The following MCTP1 variants were observed in gnomAD, a reference collection of about 807,000 sequenced individuals.
The protein encoded by MCTP1 is multiple C2 and transmembrane domain containing 1, also known as multiple C2 and transmembrane domain-containing protein 1.
In MCTP1, 69 loss-of-function variants were observed where a neutral mutation model predicts 120.6. The ratio of observed to expected loss-of-function variants is 0.57; its 90% CI spans 0.47 to 0.70. The LOEUF (loss-of-function observed/expected upper bound fraction) is 0.70. MCTP1 is among the 30% of genes least tolerant of loss of function. The pLI is 0.00. For synonymous variants in MCTP1, 529 were observed against 493.1 expected, an observed-to-expected ratio of 1.07 and a Z score of -0.96; for missense variants, 1,203 against 1,248.8, an observed-to-expected ratio of 0.96 and a Z score of 0.55.
At chr5:95,047,812 C>G (rs13155160) in intron 1 of MCTP1, among the ~76,000 whole-genome samples, 108,375 of 151,850 alleles carry the variant, frequency 0.71, 41,131 homozygotes, top group Non-Finnish European at 0.87. Context: ...ATCTACACAC[C>G]CACCCACTCA....
At chr5:95,208,349 C>CT (rs1751914980) in intron 1 of MCTP1, among the ~76,000 whole-genome samples, 1 of 152,096 alleles carries the variant, frequency 6.6e-6, no homozygotes, top group African/African-American at 2.4e-5. Flanking sequence ...CCTCAGCCAC[C>CT]CAAAGAGCTG....
chr5:94,940,788 C>T (rs2153504485), intron 4 of MCTP1, among the ~76,000 whole-genome samples: 1 of 151,090 alleles, frequency 6.6e-6, no homozygotes, highest in East Asian at 2.0e-4. Flanking sequence ...TTTACAACTG[C>T]CTTATGATGT....
intron 19 of MCTP1, among the ~76,000 whole-genome samples, chr5:94,744,656 AC>A (rs1376075178): frequency 6.6e-6 from 1 of 152,122 alleles, no homozygotes; most frequent in East Asian, 1.9e-4. Flanking sequence ...GGCGTGTGCC[AC>A]CACACTGGGC....
At chr5:94,998,736 T>A (rs1475473763) in intron 2 of MCTP1, among the ~76,000 whole-genome samples, 1 of 152,182 alleles carries the variant, frequency 6.6e-6, no homozygotes, top group East Asian at 1.9e-4. Flanking sequence ...CTTTTTGACG[T>A]ACAGGGCCAA....
Position 95,136,577 on chromosome 5 carries a change from G to A in MCTP1, c.721-119093C>T, listed in dbSNP as rs2152431663. Among the ~76,000 whole-genome samples the A allele has an allele frequency of 2.0e-5, 3 of 152,284 alleles. No homozygotes were observed. The South Asian group carries it at 6.2e-4, about 32-fold the overall frequency. The stretch of plus-strand genomic sequence containing the variant: ...GAAGTGGGGAAGGGAGGAAATCTTT[G>A]CGGAAGGAAGTCAAGAAGAGAGAAG... On this transcript the variant is annotated intron_variant, in intron 1 of 22. Coordinates refer to ENST00000515393, the MANE Select transcript of MCTP1 (RefSeq NM_024717.7).
chr5:94,821,281 TTAG>T (rs1785587761), intron 17 of MCTP1, among the ~76,000 whole-genome samples: 1 of 152,210 alleles, frequency 6.6e-6, no homozygotes, highest in Admixed American at 6.5e-5. Context: ...TTTTGCGGTC[TTAG>T]TACTGGAAAT....
intron 2 of MCTP1, among the ~76,000 whole-genome samples, chr5:95,012,591 G>C (rs927025128): frequency 6.6e-6 from 1 of 152,058 alleles, no homozygotes; most frequent in Admixed American, 6.6e-5. Context: ...GGTAATTTCT[G>C]CAACATTTCA....
At chr5:94,778,932 G>T (rs1482559799) in intron 19 of MCTP1, among the ~76,000 whole-genome samples, 178 bp downstream of exon 19, 1 of 152,114 alleles carries the variant, frequency 6.6e-6, no homozygotes, top group Non-Finnish European at 1.5e-5. Context: ...AAAGCAAAGA[G>T]GATTTATAGC....
intron 6 of MCTP1, among the ~76,000 whole-genome samples, chr5:94,927,038 AATCCCTGTAGCT>A (rs1813312544): frequency 1.3e-5 from 2 of 152,224 alleles, no homozygotes; most frequent in African/African-American, 2.4e-5. Flanking sequence ...TGTCACAGCA[AATCCCTGTAGCT>A]ATGAATTACA....
At chr5:95,112,923 G>C (rs1159121296) in intron 1 of MCTP1, among the ~76,000 whole-genome samples, 2 of 152,052 alleles carry the variant, frequency 1.3e-5, no homozygotes, top group African/African-American at 4.8e-5. Flanking sequence ...TGCTTATATA[G>C]TTATATACTT....
intron 1 of MCTP1, among the ~76,000 whole-genome samples, chr5:95,134,712 CTT>C (rs1759303238): frequency 1.3e-5 from 2 of 152,260 alleles, no homozygotes; most frequent in South Asian, 4.1e-4. Flanking sequence ...GCTTGCAACA[CTT>C]TGCTAATACA....
chr5:94,713,686 G>A (rs528019557), intron 20 of MCTP1, among the ~76,000 whole-genome samples: 2 of 152,166 alleles, frequency 1.3e-5, no homozygotes, highest in South Asian at 2.1e-4. Flanking sequence ...ATCCAAGACT[G>A]AATGTTTCCT....
chr5:95,072,274 T>G (rs917377807), intron 1 of MCTP1, among the ~76,000 whole-genome samples: 7 of 152,154 alleles, frequency 4.6e-5, no homozygotes, highest in African/African-American at 1.7e-4. Context: ...GTACAGTAAG[T>G]CCTACCCTCT....
At chr5:95,068,810 C>A in intron 1 of MCTP1, 1 of 1,279,184 alleles carries the variant, frequency 7.8e-7, no homozygotes, top group African/African-American at 1.5e-5. Flanking sequence ...TCTGTCCTTT[C>A]CAATCTTACC....
Position 94,806,865 on chromosome 5 carries a change from C to T in MCTP1, c.2437-7733G>A, listed in dbSNP as rs62365730. Among the ~76,000 whole-genome samples the T allele has an allele frequency of 6.9e-3, 1,046 of 152,236 alleles. 4 individuals are homozygous for T. Among genetic ancestry groups the T allele is most frequent in the Non-Finnish European group, 0.012 (804 of 68,014 alleles). On this transcript the variant is annotated intron_variant, in intron 17 of 22. Coordinates refer to ENST00000515393, the MANE Select transcript of MCTP1 (RefSeq NM_024717.7). ...GATGAGATTCTCTATTTGACTGTCT[C>T]TTCAGAAAGAAGTGAAGAAAAAATT...
chr5:95,072,011 T>C (rs1456281929), intron 1 of MCTP1, among the ~76,000 whole-genome samples: 1 of 151,934 alleles, frequency 6.6e-6, no homozygotes, highest in Non-Finnish European at 1.5e-5. Context: ...GTAAACAAGT[T>C]TAGCTGTGAT....
intron 1 of MCTP1, among the ~76,000 whole-genome samples, chr5:95,019,437 C>A (rs1198438079): frequency 1.3e-5 from 2 of 151,994 alleles, no homozygotes; most frequent in Non-Finnish European, 2.9e-5. Flanking sequence ...CACGCCCCCA[C>A]CCCTAGTAAC....
intron 1 of MCTP1, among the ~76,000 whole-genome samples, chr5:95,135,559 A>G (rs959311916): frequency 2.6e-5 from 4 of 152,202 alleles, no homozygotes; most frequent in African/African-American, 9.7e-5. Context: ...ATCAGCTGCC[A>G]TCGAATATAA....
intron 19 of MCTP1, among the ~76,000 whole-genome samples, chr5:94,755,906 C>T (rs141800619): frequency 8.0e-4 from 122 of 152,262 alleles, no homozygotes; most frequent in African/African-American, 2.7e-3. Flanking sequence ...ATACCTTATT[C>T]GATGTCCTGG....
Sources: gnomAD v4.1 joint callset for allele counts (sites outside exome capture counted in the v4.1 genomes callset) on GRCh38, gnomAD v4.1.1 for gene constraint, MANE v1.5 for transcripts, NCBI Gene and HGNC (gene_info 2026-07-23, HGNC 2026-07-21) for gene names.